Variants in NCKIPSD observed in about 807,000 individuals in gnomAD.
The protein encoded by NCKIPSD is NCK-interacting protein with SH3 domain.
In NCKIPSD, 48 loss-of-function variants were observed where a neutral mutation model predicts 73.4. The observed-to-expected ratio is 0.65, with a 90% CI of 0.52 to 0.83. The LOEUF (loss-of-function observed/expected upper bound fraction) is 0.83, where lower values mean the gene tolerates loss of function less well. NCKIPSD is among the 40% of genes least tolerant of loss of function. The pLI is 0.00. For missense variants in NCKIPSD, 884 were observed against 970.2 expected (o/e 0.91, Z 1.18); for synonymous variants, 422 against 403.6 (o/e 1.05, Z -0.54).
chr3:48,674,740 A>G lies in NCKIPSD; in HGVS notation c.1973T>C (p.Met658Thr). 6.2e-7 allele frequency: 1 copy of G among 1,613,850 alleles called. No homozygotes were observed. Among genetic ancestry groups the G allele is most frequent in the Non-Finnish European group, 8.5e-7 (1 of 1,179,914 alleles). The stretch of plus-strand genomic sequence containing the variant: ...AGCATGCATCAGGGAGAGGTACTCC[A>G]TGCGCAGCTGTGGGAAGAGCAGGCC... ...ADLSPGDKLR[M>T]EYLSLMHAIV... The change falls in exon 13 of 13, where the codon ATG (methionine) becomes ACG (threonine). Residue 658 changes from methionine to threonine, a missense_variant. Transcript: ENST00000294129.
At chr3:48,682,836 A>G in intron 2 of NCKIPSD, 67 bp downstream of exon 2, 1 of 1,510,704 alleles carries the variant, frequency 6.6e-7, no homozygotes, top group East Asian at 2.5e-5. Flanking sequence ...GCCCCATGAC[A>G]CTCATTGAAG....
At chr3:48,682,269 C>T in intron 3 of NCKIPSD, 79 bp downstream of exon 3, 2 of 1,590,438 alleles carry the variant, frequency 1.3e-6, no homozygotes, top group South Asian at 2.3e-5. Flanking sequence ...CGCATCACTC[C>T]TGAGTGGACC....
intron 12 of NCKIPSD, 32 bp downstream of exon 12, chr3:48,678,532 T>C: frequency 1.9e-6 from 3 of 1,585,644 alleles, no homozygotes; most frequent in East Asian, 4.5e-5. Flanking sequence ...TTCCACACAG[T>C]GACCCCCGCT....
Position 48,674,100 on chromosome 3 carries a change from G to A in NCKIPSD, c.*444C>T. 9.1e-7 allele frequency: 1 copy of A among 1,101,814 alleles called. No individual in the cohort carries two copies. The highest frequency in any genetic ancestry group is 3.9e-5 in the South Asian group (1 of 25,412). 68.3% of individuals were successfully genotyped at this position (1,101,814 alleles called of 1,614,324 possible). ...CATGTGCGGGTGGAGGGGAGGACATGAGCAGCACTCACTGCAAAGCTAAGG... is the reference window on the plus strand; with the variant it reads ...CATGTGCGGGTGGAGGGGAGGACATAAGCAGCACTCACTGCAAAGCTAAGG... On this transcript the variant is annotated 3_prime_UTR_variant, in exon 13 of 13. Transcript: ENST00000294129.
In NCKIPSD at chr3:48,685,097, G is replaced by A. The variant is rs561861220; in HGVS notation, c.171+540C>T. ...GTCCAAGTTGGGGGGTTGAGGACCT[G>A]GAGAATGGCTAGGGAAACAGGTGGT... On this transcript the variant is annotated intron_variant, in intron 1 of 12. Coordinates refer to ENST00000294129, the MANE Select transcript of NCKIPSD (RefSeq NM_016453.4). 2.0e-5 allele frequency among the ~76,000 whole-genome samples: 3 copies of A among 150,708 alleles called. No homozygotes were observed. In the South Asian group the frequency reaches 6.4e-4, roughly 32 times the overall value.
At position 48,674,591 on chromosome 3, in the gene NCKIPSD, G is replaced by A. The variant is rs1231258510; in HGVS notation, c.2122C>T (p.Arg708Ter). The A allele has an allele frequency of 2.5e-6, 4 of 1,608,506 alleles. No homozygotes were observed. Among genetic ancestry groups the A allele is most frequent in the Non-Finnish European group, 3.4e-6 (4 of 1,177,368 alleles). The change falls in exon 13 of 13, where the codon CGA (arginine) becomes TGA (stop). Residue 708 changes from arginine (R) to a stop codon, truncating the protein, a stop_gained. Coordinates refer to ENST00000294129, the MANE Select transcript of NCKIPSD (RefSeq NM_016453.4). LOFTEE classifies it high-confidence loss of function. Reference protein sequence around the residue: ...PQCQMDRMIVREMCKEFLVLG... With the variant: ...PQCQMDRMIV ...ACCAGGAATTCCTTGCACATCTCTC[G>A]GACAATCATGCGGTCCATCTGGCAC...
intron 1 of NCKIPSD, 68 bp from the exon 2 acceptor site, chr3:48,683,080 C>G (rs1339238855): frequency 1.9e-6 from 3 of 1,540,764 alleles, no homozygotes; most frequent in Non-Finnish European, 1.7e-6. Context: ...AGGCCCAGCC[C>G]GAGATAGAAC....
chr3:48,682,283 T>C, intron 3 of NCKIPSD, 65 bp downstream of exon 3: 1 of 1,599,072 alleles, frequency 6.3e-7, no homozygotes, highest in Non-Finnish European at 8.6e-7. Context: ...GTGGACCCCT[T>C]GAGCCTCTGG....
Position 48,679,721 on chromosome 3 carries a change from G to A in NCKIPSD, c.1351-8C>T. 1 of 1,614,108 alleles carries A rather than the reference G, an allele frequency of 6.2e-7. No individual in the cohort carries two copies. The highest frequency in any genetic ancestry group is 8.5e-7 in the Non-Finnish European group (1 of 1,179,996). On this transcript the variant is annotated splice_region_variant and splice_polypyrimidine_tract_variant and intron_variant, in intron 7 of 12. Transcript: ENST00000294129. ...CAGTGATGCTCGGTGTTCCTGGCAG[G>A]GAACCCTGCGTGCTCAGTGCCTGGA...
In NCKIPSD at chr3:48,673,906, C is replaced by A. The variant is rs1230801182; in HGVS notation, c.*638G>T. On this transcript the variant is annotated 3_prime_UTR_variant, in exon 13 of 13. Coordinates refer to ENST00000294129, the MANE Select transcript of NCKIPSD (RefSeq NM_016453.4). ...ACAGCACATAGGAAAATACACATGG[C>A]TTTTCAGTCTACATTTTTACAGAGA... is the stretch of plus-strand genomic sequence containing the variant. 1 of 1,058,952 alleles carries A rather than the reference C, an allele frequency of 9.4e-7. No homozygotes were observed. The allele number at this position is 1,058,952 out of a possible 1,614,324, so 65.6% of individuals were successfully genotyped here.
At chr3:48,674,773 G>A in intron 12 of NCKIPSD, 26 bp from the exon 13 acceptor site, 1 of 1,610,212 alleles carries the variant, frequency 6.2e-7, no homozygotes, top group Non-Finnish European at 8.5e-7. Flanking sequence ...GCCAGCTCAG[G>A]GACCCCAGGG....
intron 1 of NCKIPSD, 44 bp from the exon 2 acceptor site, chr3:48,683,056 G>A (rs1443760069): frequency 6.5e-7 from 1 of 1,545,146 alleles, no homozygotes; most frequent in Admixed American, 2.0e-5. Flanking sequence ...AGGCCAAACG[G>A]AGGTGCTCAG....
rs764017355 is a variant in NCKIPSD at position 48,681,650 on chromosome 3, G to C, written c.729C>G (p.Pro243=). 4.3e-6 allele frequency: 7 copies of C among 1,611,490 alleles called. No individual in the cohort carries two copies. In the African/African-American group the frequency reaches 9.3e-5, roughly 22 times the overall value. The part of the protein sequence containing the change: ...SEPGSSCSPT[P]PPVPRRGTHT... Reference sequence around the variant, plus strand: ...GGGTGCCTCGGCGGGGCACAGGTGGGGGTGTGGGTGAGCAGCTGGAGCCTG... The same window carrying C: ...GGGTGCCTCGGCGGGGCACAGGTGGCGGTGTGGGTGAGCAGCTGGAGCCTG... Residue 243 remains proline (P), a synonymous_variant, in exon 5 of 13, where the codon CCC becomes CCG. Coordinates refer to ENST00000294129, the MANE Select transcript of NCKIPSD (RefSeq NM_016453.4).
rs1443429301 is a variant in NCKIPSD at position 48,682,158 on chromosome 3, T to A, written c.487-2A>T. 1.9e-6 allele frequency: 3 copies of A among 1,595,194 alleles called. No individual in the cohort carries two copies. The highest frequency in any genetic ancestry group is 2.5e-6 in the Non-Finnish European group (3 of 1,177,216). ...GATCTGGGAAGATGGAAGTGGGATC[T>A]GGAAGATGGAAGTAGGATCTTGGAG... On this transcript the variant is annotated splice_acceptor_variant, in intron 3 of 12. Coordinates refer to ENST00000294129, the MANE Select transcript of NCKIPSD (RefSeq NM_016453.4). LOFTEE classifies it high-confidence loss of function.
At chr3:48,684,741 G>C (rs1051216892) in intron 1 of NCKIPSD, among the ~76,000 whole-genome samples, 1 of 152,204 alleles carries the variant, frequency 6.6e-6, no homozygotes, top group African/African-American at 2.4e-5. Flanking sequence ...AGGGAAACAG[G>C]AACTGGGACT....
intron 3 of NCKIPSD, 60 bp from the exon 4 acceptor site, chr3:48,682,216 C>CA: frequency 6.4e-7 from 1 of 1,566,488 alleles, no homozygotes; most frequent in Non-Finnish European, 8.6e-7. Context: ...CAGCGAGGCT[C>CA]GGGCCCTGAG....
In NCKIPSD at chr3:48,679,063, T is replaced by G. The variant is rs746592857; in HGVS notation, c.1691A>C (p.His564Pro). 5 of 1,614,016 alleles carry G rather than the reference T, an allele frequency of 3.1e-6. No homozygotes were observed. The highest frequency in any genetic ancestry group is 4.2e-6 in the Non-Finnish European group (5 of 1,179,976). ...GCCAGGCCCCACCCCACCTGGCAGGTGCAGGTTGAGAGCCAGAAGCAGGTT... is the reference window on the plus strand; with the variant it reads ...GCCAGGCCCCACCCCACCTGGCAGGGGCAGGTTGAGAGCCAGAAGCAGGTT... The part of the protein sequence containing the change: ...CVNLLLALNL[H>P]LPAADQNVIM... Residue 564 changes from histidine to proline, a missense_variant, in exon 10 of 13, where the codon CAC becomes CCC. Coordinates refer to ENST00000294129, the MANE Select transcript of NCKIPSD (RefSeq NM_016453.4).
Position 48,685,847 on chromosome 3 carries a change from T to G in NCKIPSD, c.-40A>C. 7.3e-7 allele frequency: 1 copy of G among 1,367,874 alleles called. No homozygotes were observed. Among genetic ancestry groups the G allele is most frequent in the Non-Finnish European group, 9.4e-7 (1 of 1,065,092 alleles). The allele number at this position is 1,367,874 out of a possible 1,614,324, so 84.7% of individuals were successfully genotyped here. A position where few individuals can be genotyped will look rare whatever the true frequency, so the allele number is the denominator to read the frequency against. ...CAGGTGCAGGGAAGGTGGCAAGGGC[T>G]GCGGCGCCACAACGCCAGGCCGGGA... On this transcript the variant is annotated 5_prime_UTR_variant, in exon 1 of 13. Coordinates refer to ENST00000294129, the MANE Select transcript of NCKIPSD (RefSeq NM_016453.4).
At chr3:48,684,656 G>A (rs1288662710) in intron 1 of NCKIPSD, among the ~76,000 whole-genome samples, 1 of 152,200 alleles carries the variant, frequency 6.6e-6, no homozygotes, top group Non-Finnish European at 1.5e-5. Context: ...GGCAGCTCTG[G>A]GCCCTTCTTC....
Sources: gnomAD v4.1 joint callset for allele counts (sites outside exome capture counted in the v4.1 genomes callset) on GRCh38, gnomAD v4.1.1 for gene constraint, MANE v1.5 for transcripts, NCBI Gene and HGNC (gene_info 2026-07-23, HGNC 2026-07-21) for gene names.